The following SNX29 variants were observed in gnomAD, a reference collection of about 807,000 sequenced individuals.
The protein encoded by SNX29 is sorting nexin-29.
A neutral mutation model predicts 102.1 loss-of-function variants in SNX29; 78 were observed. The ratio of observed to expected loss-of-function variants is 0.76; its 90% CI spans 0.64 to 0.92. SNX29 has a LOEUF of 0.92. SNX29 is among the 40% of genes least tolerant of loss of function. The pLI is 0.00. For synonymous variants in SNX29, 580 were observed against 414.5 expected (o/e 1.40, Z -4.85); for missense variants, 1,280 against 1,061.7 (o/e 1.21, Z -2.86).
chr16:12,075,867 A>G (rs2051538057), intron 10 of SNX29, among the ~76,000 whole-genome samples: 1 of 152,204 alleles, frequency 6.6e-6, no homozygotes, highest in Non-Finnish European at 1.5e-5. Flanking sequence ...AGCCTGGGCA[A>G]TGGTGGGTGC....
chr16:12,376,736 CAAAAAAAAAAAAAA>C (rs71408262), intron 16 of SNX29, among the ~76,000 whole-genome samples: 1 of 77,936 alleles, frequency 1.3e-5, no homozygotes, highest in African/African-American at 5.3e-5. Context: ...GACTCTGTCT[CAAAAAAAAAAAAAA>C]AAAAAAAAGA....
In SNX29 at chr16:12,290,877, A is replaced by G. The variant is rs115998283; in HGVS notation, c.1782+12841A>G. On this transcript the variant is annotated intron_variant, in intron 15 of 20. Coordinates refer to ENST00000566228, the MANE Select transcript of SNX29 (RefSeq NM_032167.5). Reference sequence around the variant, plus strand: ...GCTTTGTGTTCCATGATGCATAGCTAGAAAATGATACTGACCTGGATCCCT... The same window carrying G: ...GCTTTGTGTTCCATGATGCATAGCTGGAAAATGATACTGACCTGGATCCCT... 4.2e-3 allele frequency among the ~76,000 whole-genome samples: 635 copies of G among 152,330 alleles called. 8 individuals carry two copies. Among genetic ancestry groups the G allele is most frequent in the African/African-American group, 0.014 (587 of 41,584 alleles).
chr16:12,117,201 T>G lies in SNX29; in HGVS notation c.1403-9432T>G, dbSNP rs112437266. Among the ~76,000 whole-genome samples the G allele has an allele frequency of 2.0e-3, 176 of 89,998 alleles. 2 individuals carry two copies. Among genetic ancestry groups the G allele is most frequent in the Middle Eastern group, 7.6e-3 (1 of 132 alleles). The allele number at this position is 89,998 out of a possible 152,430, so 59.0% of individuals were successfully genotyped here. Reference sequence around the variant, plus strand: ...CGGTCAATACGTGCTTCAACGCGGATGAACCGTGGAAACAGGCATGGTCAA... The same window carrying G: ...CGGTCAATACGTGCTTCAACGCGGAGGAACCGTGGAAACAGGCATGGTCAA... On this transcript the variant is annotated intron_variant, in intron 11 of 20. Coordinates refer to ENST00000566228, the MANE Select transcript of SNX29 (RefSeq NM_032167.5).
chr16:12,457,409 A>G (rs1309584699), intron 18 of SNX29, among the ~76,000 whole-genome samples: 1 of 151,810 alleles, frequency 6.6e-6, no homozygotes, highest in African/African-American at 2.4e-5. Flanking sequence ...GGGCCTCCCC[A>G]CTCTTAGTGA....
At chr16:12,060,751 A>G (rs2050739077) in intron 8 of SNX29, 1 of 456,170 alleles carries the variant, frequency 2.2e-6, no homozygotes, top group Non-Finnish European at 4.4e-6. Context: ...CTCAGAGGCA[A>G]GTGCTGCAGG....
chr16:12,194,012 C>G (rs2076709331), intron 13 of SNX29, among the ~76,000 whole-genome samples: 1 of 152,136 alleles, frequency 6.6e-6, no homozygotes, highest in East Asian at 1.9e-4. Context: ...ATCTGCTAGT[C>G]TATATCTATA....
chr16:12,483,228 T>G (rs1047018516), intron 19 of SNX29, among the ~76,000 whole-genome samples: 3 of 148,794 alleles, frequency 2.0e-5, no homozygotes, highest in Non-Finnish European at 4.5e-5. Flanking sequence ...AGGCTGGTCT[T>G]GAACTCATGA....
At chr16:12,478,228 A>G (rs1336989801) in intron 19 of SNX29, among the ~76,000 whole-genome samples, 1 of 152,226 alleles carries the variant, frequency 6.6e-6, no homozygotes, top group Non-Finnish European at 1.5e-5. Context: ...GAGTATGGCT[A>G]TGTGCCAATA....
chr16:12,481,465 T>TATACAC (rs35363105), intron 19 of SNX29, among the ~76,000 whole-genome samples: 2 of 102,576 alleles, frequency 1.9e-5, no homozygotes, highest in South Asian at 8.8e-4. Flanking sequence ...CATATATATA[T>TATACAC]ACACATATAT....
chr16:12,245,520 C>G (rs932317892), intron 14 of SNX29, among the ~76,000 whole-genome samples: 18 of 151,552 alleles, frequency 1.2e-4, no homozygotes, highest in Non-Finnish European at 2.5e-4. Flanking sequence ...CTGACTTCTT[C>G]TAGTTATATT....
intron 3 of SNX29, among the ~76,000 whole-genome samples, chr16:12,021,798 C>T (rs1290639053): frequency 1.3e-5 from 2 of 151,248 alleles, no homozygotes; most frequent in Non-Finnish European, 2.9e-5. Flanking sequence ...AGGCTTGAGG[C>T]AGGATAATCT....
At chr16:12,521,968 C>T (rs879636578) in intron 19 of SNX29, among the ~76,000 whole-genome samples, 6 of 152,180 alleles carry the variant, frequency 3.9e-5, no homozygotes, top group Non-Finnish European at 7.4e-5. Context: ...TTGAGAGCTG[C>T]CACCCCTCTG....
At position 12,021,669 on chromosome 16, in the gene SNX29, C is replaced by G. The variant is rs577922936; in HGVS notation, c.123-5651C>G. Among the ~76,000 whole-genome samples, 3 of 152,070 alleles carry G rather than the reference C, an allele frequency of 2.0e-5. No homozygotes were observed. In the South Asian group the frequency reaches 6.2e-4, roughly 32 times the overall value. ...TTGGGGGGCCAAGGTAGGCGGATCA[C>G]TTGAGGTCAGCAGTTTGAGATCAGC... On this transcript the variant is annotated intron_variant, in intron 3 of 20. Transcript: ENST00000566228.
At chr16:12,422,050 T>TATC (rs367585452) in intron 18 of SNX29, among the ~76,000 whole-genome samples, 1,768 of 152,240 alleles carry the variant, frequency 0.012, 41 homozygotes, top group African/African-American at 0.04. Context: ...CTATCATCCA[T>TATC]ATCCTCACCA....
chr16:12,243,654 G>C (rs551972872), intron 14 of SNX29, among the ~76,000 whole-genome samples: 20 of 152,202 alleles, frequency 1.3e-4, no homozygotes, highest in African/African-American at 4.8e-4. Context: ...CATGTAATTG[G>C]GTTGAATAGT....
chr16:12,015,209 C>A (rs2056805523), intron 3 of SNX29, among the ~76,000 whole-genome samples: 1 of 151,854 alleles, frequency 6.6e-6, no homozygotes. Flanking sequence ...TCTTGGTACT[C>A]CTGCACTGAA....
intron 8 of SNX29, among the ~76,000 whole-genome samples, chr16:12,054,444 G>A (rs930378135): frequency 2.0e-5 from 3 of 152,266 alleles, no homozygotes; most frequent in African/African-American, 7.2e-5. Flanking sequence ...GGTGGACTCA[G>A]TAAAGGCGAT....
intron 10 of SNX29, among the ~76,000 whole-genome samples, chr16:12,072,885 G>A (rs2051367256): frequency 6.6e-6 from 1 of 152,074 alleles, no homozygotes. Flanking sequence ...CTTCTTCCTG[G>A]TTTAGTCTTG....
At chr16:12,094,411 G>C (rs201500382) in intron 11 of SNX29, among the ~76,000 whole-genome samples, 1 of 152,128 alleles carries the variant, frequency 6.6e-6, no homozygotes, top group African/African-American at 2.4e-5. Context: ...CCTTATTGTT[G>C]AACTGCAAAT....
Sources: gnomAD v4.1 joint callset for allele counts (sites outside exome capture counted in the v4.1 genomes callset) on GRCh38, gnomAD v4.1.1 for gene constraint, MANE v1.5 for transcripts, NCBI Gene and HGNC (gene_info 2026-07-23, HGNC 2026-07-21) for gene names.